Variants in ATXN3 observed in about 807,000 individuals in gnomAD.
ATXN3 encodes ataxin-3.
In ATXN3, 28 loss-of-function variants were observed where a neutral mutation model predicts 58.2. The observed-to-expected ratio is 0.48, with a 90% CI of 0.36 to 0.66. The LOEUF (loss-of-function observed/expected upper bound fraction) is 0.66. Among genes scored for constraint, ATXN3 ranks in the 30% least tolerant of loss-of-function variants. ATXN3 has a pLI of 0.00. For missense variants in ATXN3, 321 were observed against 422.1 expected (o/e 0.76, Z 2.10); for synonymous variants, 113 against 138.5 (o/e 0.82, Z 1.29).
At chr14:92,083,020 T>G (rs1156387499) in intron 7 of ATXN3, 106 bp downstream of exon 7, 3 of 1,356,424 alleles carry the variant, frequency 2.2e-6, no homozygotes, top group Non-Finnish European at 3.0e-6. Flanking sequence ...AGGTCCAAAA[T>G]AGAGTCGCCA....
chr14:92,056,334 C>A (rs2140165564), downstream of ATXN3, among the ~76,000 whole-genome samples: 1 of 152,202 alleles, frequency 6.6e-6, no homozygotes, highest in African/African-American at 2.4e-5. Flanking sequence ...ATTTTTTTAA[C>A]CAGGTTACTG....
At position 92,071,020 on chromosome 14, in the gene ATXN3, C is replaced by CTGCTGCTGCTGCTGA; in HGVS notation, c.905_906insTCAGCAGCAGCAGCA (p.Gln301_Gln302insHisGlnGlnGlnGln). The CTGCTGCTGCTGCTGA allele has an allele frequency of 6.2e-7, 1 of 1,607,456 alleles. No individual in the cohort carries two copies. Among genetic ancestry groups the CTGCTGCTGCTGCTGA allele is most frequent in the African/African-American group, 1.3e-5 (1 of 74,398 alleles). ...GTCCTGATAGGTCCCCCTGCTGCTG[C>CTGCTGCTGCTGCTGA]TGCTGCTGCTGCTGTTGCTGCTTTT... On this transcript the variant is annotated inframe_insertion, in exon 10 of 11. Transcript: ENST00000644486.
intron 4 of ATXN3, 73 bp downstream of exon 4, chr14:92,093,670 CTCT>C (rs1179509743): frequency 1.4e-5 from 16 of 1,136,026 alleles, no homozygotes; most frequent in Non-Finnish European, 2.1e-5. Context: ...AAATGTATTT[CTCT>C]TCTTTAAGAA....
At chr14:92,070,306 G>A (rs1331679738) in intron 10 of ATXN3, among the ~76,000 whole-genome samples, 2 of 152,072 alleles carry the variant, frequency 1.3e-5, no homozygotes, top group Non-Finnish European at 2.9e-5. Flanking sequence ...CTGGCCGGAC[G>A]TGATGGCTCA....
intron 1 of ATXN3, among the ~76,000 whole-genome samples, chr14:92,100,223 G>A (rs1454660053): frequency 6.6e-6 from 1 of 152,072 alleles, no homozygotes; most frequent in African/African-American, 2.4e-5. Context: ...ATCCACTAAA[G>A]CTTAATATAT....
At chr14:92,070,177 A>C (rs1393014222) in intron 10 of ATXN3, among the ~76,000 whole-genome samples, 2 of 152,198 alleles carry the variant, frequency 1.3e-5, no homozygotes, top group Non-Finnish European at 2.9e-5. Flanking sequence ...AGACATATTT[A>C]AACCGAGACC....
intron 6 of ATXN3, 99 bp downstream of exon 6, chr14:92,088,631 C>A: frequency 2.4e-6 from 2 of 838,752 alleles, no homozygotes; most frequent in South Asian, 3.1e-5. Context: ...GTTTCACTGC[C>A]ACTGCCAGAA....
At chr14:92,073,196 A>T (rs1307719195) in intron 9 of ATXN3, among the ~76,000 whole-genome samples, 1 of 152,248 alleles carries the variant, frequency 6.6e-6, no homozygotes, top group Non-Finnish European at 1.5e-5. Flanking sequence ...CTTTTAGTTT[A>T]TGAAAAATGA....
intron 9 of ATXN3, among the ~76,000 whole-genome samples, chr14:92,075,091 G>A (rs1478341296): frequency 2.0e-5 from 3 of 151,298 alleles, no homozygotes; most frequent in African/African-American, 7.3e-5. Flanking sequence ...GACTACTGCT[G>A]GAAAAAATGT....
chr14:92,069,372 T>C (rs909071143), intron 10 of ATXN3, among the ~76,000 whole-genome samples: 1 of 20,200 alleles, frequency 5.0e-5, no homozygotes. Flanking sequence ...TGTCCAGCCC[T>C]TTTTTTTTTT....
chr14:92,104,057 A>C (rs2067526475), intron 1 of ATXN3, among the ~76,000 whole-genome samples: 1 of 152,248 alleles, frequency 6.6e-6, no homozygotes, highest in Non-Finnish European at 1.5e-5. Context: ...CATGCTATGT[A>C]GATACAAGTT....
chr14:92,086,424 G>T (rs1415666846), intron 6 of ATXN3, among the ~76,000 whole-genome samples: 2 of 151,932 alleles, frequency 1.3e-5, no homozygotes, highest in Admixed American at 1.3e-4. Context: ...AATTAGCCAG[G>T]CATGGTGGCA....
rs8008405 is a variant in ATXN3 at position 92,060,286 on chromosome 14, A to G, written c.*4034T>C. ...TATATATATATTTTTTTTTTTCAGA[A>G]ACAGTGTCTCACTCTGTTGGGCAGG... On this transcript the variant is annotated 3_prime_UTR_variant, in exon 11 of 11. Coordinates refer to ENST00000644486, the MANE Select transcript of ATXN3 (RefSeq NM_004993.6). 39,172 of 142,314 alleles carry G rather than the reference A, an allele frequency of 0.28. 5,815 individuals carry two copies. The highest frequency in any genetic ancestry group is 0.37 in the African/African-American group (14,028 of 38,002). 8.8% of individuals were successfully genotyped at this position (142,314 alleles called of 1,614,324 possible). A position where few individuals can be genotyped will look rare whatever the true frequency, so the allele number is the denominator to read the frequency against.
intron 1 of ATXN3, among the ~76,000 whole-genome samples, chr14:92,048,274 A>G (rs1056745919): frequency 2.6e-5 from 4 of 152,222 alleles, no homozygotes; most frequent in African/African-American, 9.6e-5. Context: ...TTTGTCTCAC[A>G]GTGGAGGCAA....
chr14:92,082,316 A>G lies in ATXN3; in HGVS notation c.759T>C (p.Ile253=). ...TGTCTTTACCTTGCATACTTAGCTG[A>G]ATAGCCCTGCGGAGATCTGCTTCCT... ...EDEEADLRRA[I]QLSMQGSSRN... is the part of the protein sequence containing the mutation. The change falls in exon 8 of 11, where the codon ATT becomes ATC. Residue 253 remains isoleucine, a synonymous_variant. Transcript: ENST00000644486. 6.2e-7 allele frequency: 1 copy of G among 1,614,048 alleles called. No homozygotes were observed.
At chr14:92,097,122 G>GATAGA (rs1465428052) in intron 1 of ATXN3, among the ~76,000 whole-genome samples, 1 of 151,962 alleles carries the variant, frequency 6.6e-6, no homozygotes, top group Non-Finnish European at 1.5e-5. Context: ...TGTTAGCCAG[G>GATAGA]ATGGTCTTGA....
chr14:92,084,033 CT>C (rs2061939192), intron 6 of ATXN3, among the ~76,000 whole-genome samples: 2 of 152,156 alleles, frequency 1.3e-5, no homozygotes, highest in Non-Finnish European at 2.9e-5. Flanking sequence ...GCTCTCAGGC[CT>C]TTTGCCACAG....
intron 1 of ATXN3, among the ~76,000 whole-genome samples, chr14:92,106,238 A>T (rs1421547869): frequency 6.6e-6 from 1 of 152,090 alleles, no homozygotes; most frequent in Non-Finnish European, 1.5e-5. Flanking sequence ...TGACGGAGAA[A>T]GGCAGAAGCA....
rs1048755 is a variant in ATXN3 at position 92,082,441 on chromosome 14, C to T, written c.634G>A (p.Val212Met). 0.26 allele frequency: 418,828 copies of T among 1,613,244 alleles called. 56,603 individuals carry two copies. Among genetic ancestry groups the T allele is most frequent in the East Asian group, 0.46 (20,734 of 44,846 alleles). Reference sequence around the variant, plus strand: ...CCTGAGCCATCATTTGCTTCTAACACTCGTTCCAGGTCTGTTTTATGGACT... The same window carrying T: ...CCTGAGCCATCATTTGCTTCTAACATTCGTTCCAGGTCTGTTTTATGGACT... ...QRVHKTDLER[V>M]LEANDGSGML... The change falls in exon 8 of 11, where the codon GTG becomes ATG. Residue 212 changes from valine (V) to methionine (M), a missense_variant. By Grantham distance (21) the Val-to-Met change is conservative. Transcript: ENST00000644486.
Sources: allele counts gnomAD v4.1 joint callset (sites outside exome capture counted in the v4.1 genomes callset), GRCh38; gene constraint gnomAD v4.1.1; transcripts MANE v1.5; gene names NCBI Gene and HGNC (gene_info 2026-07-23, HGNC 2026-07-21).